Variants in HYAL4 observed in about 807,000 individuals in gnomAD.
The protein encoded by HYAL4 is hyaluronidase-4.
HYAL4 carries 37 observed loss-of-function variants against 35.2 expected under a neutral mutation model. The observed-to-expected ratio is 1.05, with a 90% CI of 0.81 to 1.38. The LOEUF (loss-of-function observed/expected upper bound fraction) is 1.38. HYAL4 is among the 40% of genes most tolerant of loss of function. The pLI is 0.00. For synonymous variants in HYAL4, 198 were observed against 203.2 expected (o/e 0.97, Z 0.22); for missense variants, 572 against 572.4 (o/e 1.00, Z 0.01).
At chr7:123,798,081 G>A in the HYAL4 span, among the ~76,000 whole-genome samples, 2 of 152,178 alleles carry the variant, frequency 1.3e-5, no homozygotes, top group East Asian at 3.9e-4. Context: ...TTTTTATATT[G>A]TTTTAAGTAC....
rs925447632 is a variant in HYAL4, at chr7:123,874,662, C to T, written c.955-99C>T. ...CCTCGTGATCTGCCCGCCTGGGCCTCCCAAAGTGCTGGGATTACAGGCGTG... is the reference window on the plus strand; with the variant it reads ...CCTCGTGATCTGCCCGCCTGGGCCTTCCAAAGTGCTGGGATTACAGGCGTG... On this transcript the variant is annotated intron_variant, in intron 3 of 4. Transcript: ENST00000223026. 4.6e-5 allele frequency: 32 copies of T among 688,720 alleles called. No individual in the cohort carries two copies. In the Admixed American group the frequency reaches 5.9e-4, roughly 13 times the overall value. 42.7% of individuals were successfully genotyped at this position (688,720 alleles called of 1,614,324 possible).
At chr7:123,862,758 C>G in intron 2 of HYAL4, among the ~76,000 whole-genome samples, 1 of 152,194 alleles carries the variant, frequency 6.6e-6, no homozygotes. Context: ...TCCTGCTTCT[C>G]TCTTGTGTCT....
the HYAL4 span, among the ~76,000 whole-genome samples, chr7:123,804,632 CCACACATACATTCCATGTGTGCACA>C: frequency 6.6e-6 from 1 of 152,074 alleles, no homozygotes; most frequent in Non-Finnish European, 1.5e-5. Flanking sequence ...ACATATATTC[CCACACATACATTCCATGTGTGCACA>C]CACACATGGC....
the HYAL4 span, among the ~76,000 whole-genome samples, chr7:123,791,225 C>T: frequency 2.6e-5 from 4 of 152,018 alleles, no homozygotes; most frequent in East Asian, 5.8e-4. Flanking sequence ...CTGGGAAGTC[C>T]GAAAGGCCTG....
chr7:123,790,070 C>A, the HYAL4 span, among the ~76,000 whole-genome samples: 1 of 152,142 alleles, frequency 6.6e-6, no homozygotes, highest in Admixed American at 6.5e-5. Context: ...AGAATTTCTT[C>A]TTTGAGGCGG....
At chr7:123,764,458 A>G in the HYAL4 span, among the ~76,000 whole-genome samples, 4 of 152,214 alleles carry the variant, frequency 2.6e-5, no homozygotes, top group African/African-American at 9.6e-5. Context: ...ATGGATCCTG[A>G]CATTTACAAT....
At chr7:123,805,211 A>G in the HYAL4 span, among the ~76,000 whole-genome samples, 1 of 152,244 alleles carries the variant, frequency 6.6e-6, no homozygotes, top group Non-Finnish European at 1.5e-5. Flanking sequence ...CAATTATGCT[A>G]GTGAGTAGAA....
the HYAL4 span, among the ~76,000 whole-genome samples, chr7:123,805,956 T>G: frequency 2.0e-5 from 3 of 152,190 alleles, no homozygotes; most frequent in African/African-American, 7.2e-5. Context: ...ATTGAGCCAC[T>G]GTACTCCAGC....
At chr7:123,775,766 CAA>C in the HYAL4 span, among the ~76,000 whole-genome samples, 1 of 151,980 alleles carries the variant, frequency 6.6e-6, no homozygotes, top group Non-Finnish European at 1.5e-5. Flanking sequence ...GATGACAGAC[CAA>C]AAGAGTTCCC....
chr7:123,814,112 C>G, the HYAL4 span: 2 of 152,242 alleles, frequency 1.3e-5, no homozygotes, highest in South Asian at 4.1e-4. Context: ...TTCAAGGAGA[C>G]TGCTGTAATG....
intron 1 of HYAL4, among the ~76,000 whole-genome samples, chr7:123,846,502 C>T (rs1343467037): frequency 6.6e-6 from 1 of 152,088 alleles, no homozygotes; most frequent in Admixed American, 6.5e-5. Flanking sequence ...CTTGCCCTCT[C>T]AAACAGCACC....
the HYAL4 span, among the ~76,000 whole-genome samples, chr7:123,789,990 G>A: frequency 2.0e-5 from 3 of 152,160 alleles, no homozygotes; most frequent in African/African-American, 4.8e-5. Flanking sequence ...GAAATTTGAA[G>A]GGCTGTTAGG....
chr7:123,830,064 C>T (rs766010187), intron 1 of HYAL4, among the ~76,000 whole-genome samples: 7 of 152,118 alleles, frequency 4.6e-5, no homozygotes, highest in African/African-American at 1.4e-4. Context: ...AGAAGCAAAT[C>T]GCTGTTTGCA....
chr7:123,802,867 A>C, the HYAL4 span, among the ~76,000 whole-genome samples: 1 of 152,358 alleles, frequency 6.6e-6, no homozygotes, highest in East Asian at 1.9e-4. Flanking sequence ...CTACTATATT[A>C]CACTACTGTG....
At chr7:123,874,941 C>A in intron 4 of HYAL4, 91 bp downstream of exon 4, 1 of 741,136 alleles carries the variant, frequency 1.3e-6, no homozygotes. Context: ...CATAGCAAAC[C>A]AGCTTTAGAA....
rs1296140070 is a variant in HYAL4 at position 123,869,124 on chromosome 7, A to C, written c.851A>C (p.Glu284Ala). The C allele has an allele frequency of 6.2e-7, 1 of 1,614,036 alleles. No individual in the cohort carries two copies. The highest frequency in any genetic ancestry group is 8.5e-7 in the Non-Finnish European group (1 of 1,180,020). The stretch of plus-strand genomic sequence containing the variant: ...CGCTTCTCCAAATTTCGGGTGCATG[A>C]ATCCATGAGGATCTCCACCATGACA... Reference protein sequence around the residue: ...ILRFSKFRVHESMRISTMTSH... With the variant: ...ILRFSKFRVHASMRISTMTSH... The change falls in exon 3 of 5, where the codon GAA (glutamate) becomes GCA (alanine). Residue 284 changes from glutamate (E) to alanine (A), a missense_variant. Coordinates refer to ENST00000223026, the MANE Select transcript of HYAL4 (RefSeq NM_012269.3).
At chr7:123,863,813 G>T (rs1278463039) in intron 2 of HYAL4, among the ~76,000 whole-genome samples, 1 of 152,150 alleles carries the variant, frequency 6.6e-6, no homozygotes, top group Non-Finnish European at 1.5e-5. Context: ...CACAGTTTCT[G>T]AATGCCAAGG....
At chr7:123,770,223 G>A in the HYAL4 span, among the ~76,000 whole-genome samples, 10 of 152,126 alleles carry the variant, frequency 6.6e-5, no homozygotes, top group African/African-American at 2.4e-4. Flanking sequence ...GCCGAGACAG[G>A]CGGATCACGA....
chr7:123,823,355 T>A, the HYAL4 span, among the ~76,000 whole-genome samples: 1 of 152,074 alleles, frequency 6.6e-6, no homozygotes, highest in Non-Finnish European at 1.5e-5. Context: ...TGGGTTGCTA[T>A]TATTTTGTTG....
Sources: allele counts gnomAD v4.1 joint callset (sites outside exome capture counted in the v4.1 genomes callset), GRCh38; gene constraint gnomAD v4.1.1; transcripts MANE v1.5; gene names NCBI Gene and HGNC (gene_info 2026-07-23, HGNC 2026-07-21).